SNX10: variants seen among roughly 807,000 people sequenced by gnomAD.
The protein encoded by SNX10 is sorting nexin 10.
In SNX10, 25 loss-of-function variants were observed where a neutral mutation model predicts 28.5. That is an observed-to-expected ratio of 0.88 (90% CI 0.64 to 1.22). The LOEUF (loss-of-function observed/expected upper bound fraction) is 1.22, where lower values mean the gene tolerates loss of function less well. Among genes scored for constraint, SNX10 ranks in the 50% most tolerant of loss-of-function variants. SNX10 has a pLI of 0.00. For synonymous variants in SNX10, 62 were observed against 81.4 expected (o/e 0.76, Z 1.28); for missense variants, 223 against 242.6 (o/e 0.92, Z 0.54).
intron 1 of SNX10, among the ~76,000 whole-genome samples, chr7:26,313,089 A>G (rs1786915819): frequency 6.6e-6 from 1 of 152,226 alleles, no homozygotes; most frequent in Admixed American, 6.5e-5. Flanking sequence ...TAGCACGAGA[A>G]TGTCTTATCA....
intron 1 of SNX10, among the ~76,000 whole-genome samples, chr7:26,295,869 A>G (rs1328247496): frequency 1.3e-5 from 2 of 152,252 alleles, no homozygotes; most frequent in Non-Finnish European, 2.9e-5. Context: ...GGGGAGAAGA[A>G]GAGGAATGTT....
chr7:26,322,579 T>G (rs1259497521), intron 1 of SNX10, among the ~76,000 whole-genome samples: 1 of 150,610 alleles, frequency 6.6e-6, no homozygotes, highest in African/African-American at 2.5e-5. Context: ...TTTCTTTATA[T>G]TTTTACAAAG....
At position 26,372,005 on chromosome 7, in the gene SNX10, G is replaced by C. The variant is rs1789565988; in HGVS notation, c.496G>C (p.Glu166Gln). ...TGAAGAAGATGAAGAAGGAAAAAAA[G>C]AAAATGATATAGATTATGATTCAGA... is the stretch of plus-strand genomic sequence containing the variant. ...FPEEDEEGKKENDIDYDSESS... is the reference protein window; with the variant it reads ...FPEEDEEGKKQNDIDYDSESS... Residue 166 changes from glutamate (E) to glutamine (Q), a missense_variant, in exon 6 of 7, where the codon GAA (glutamate) becomes CAA (glutamine). Physicochemically the swap from Glu to Gln is conservative, Grantham distance 29. Transcript: ENST00000338523. 1 of 1,609,178 alleles carries C rather than the reference G, an allele frequency of 6.2e-7. No individual in the cohort carries two copies. The highest frequency in any genetic ancestry group is 8.5e-7 in the Non-Finnish European group (1 of 1,176,124).
intron 5 of SNX10, among the ~76,000 whole-genome samples, chr7:26,365,792 T>TTACA (rs1253454637): frequency 6.6e-6 from 1 of 152,152 alleles, no homozygotes; most frequent in Non-Finnish European, 1.5e-5. Context: ...GCACGCTGAT[T>TTACA]TACACCTAGA....
At chr7:26,299,309 C>G (rs1276113651) in intron 1 of SNX10, among the ~76,000 whole-genome samples, 2 of 152,090 alleles carry the variant, frequency 1.3e-5, no homozygotes, top group Non-Finnish European at 2.9e-5. Context: ...GATTCTTCTG[C>G]CTCAGCCTCC....
intron 1 of SNX10, 103 bp from the exon 2 acceptor site, chr7:26,346,317 C>A (rs1403711227): frequency 2.8e-6 from 2 of 725,924 alleles, no homozygotes; most frequent in East Asian, 2.6e-5. Flanking sequence ...GACTGTGGGG[C>A]GGGGGGGGCT....
At chr7:26,317,092 G>A (rs541715776) in intron 1 of SNX10, among the ~76,000 whole-genome samples, 90 of 152,240 alleles carry the variant, frequency 5.9e-4, no homozygotes, top group African/African-American at 2.1e-3. Context: ...CGGTTTGGTG[G>A]GGCACAGACA....
At chr7:26,339,440 G>A (rs1788086176) in intron 1 of SNX10, among the ~76,000 whole-genome samples, 1 of 151,620 alleles carries the variant, frequency 6.6e-6, no homozygotes, top group Admixed American at 6.6e-5. Context: ...GGGTTCAAGT[G>A]CAATTTTCTT....
intron 1 of SNX10, among the ~76,000 whole-genome samples, chr7:26,327,726 CTT>C (rs70943293): frequency 2.2e-5 from 2 of 89,118 alleles, no homozygotes; most frequent in African/African-American, 8.6e-5. Context: ...GCATTCTTTT[CTT>C]TTTTTTTTTT....
intron 3 of SNX10, among the ~76,000 whole-genome samples, chr7:26,361,716 G>A (rs942174707): frequency 3.3e-5 from 5 of 152,180 alleles, no homozygotes; most frequent in South Asian, 4.1e-4. Context: ...AGTTTCTGTC[G>A]AGACTACTCA....
chr7:26,318,062 A>T (rs1039646959), intron 1 of SNX10, among the ~76,000 whole-genome samples: 2 of 152,220 alleles, frequency 1.3e-5, no homozygotes, highest in African/African-American at 4.8e-5. Flanking sequence ...AATGGAGCTT[A>T]CTTGAAAGCA....
intron 1 of SNX10, among the ~76,000 whole-genome samples, chr7:26,336,381 A>AG (rs1157387802): frequency 6.6e-6 from 1 of 152,140 alleles, no homozygotes; most frequent in Admixed American, 6.5e-5. Flanking sequence ...GTAAAAAAAA[A>AG]AAAAAGTGCT....
intron 1 of SNX10, among the ~76,000 whole-genome samples, chr7:26,305,321 C>G (rs1002071858): frequency 6.6e-6 from 1 of 152,234 alleles, no homozygotes; most frequent in Admixed American, 6.5e-5. Context: ...GAACAACGGG[C>G]TTTATATGTA....
chr7:26,348,453 C>G (rs1480426282), intron 2 of SNX10, among the ~76,000 whole-genome samples: 2 of 152,216 alleles, frequency 1.3e-5, no homozygotes, highest in Non-Finnish European at 2.9e-5. Context: ...CTCACAGACG[C>G]TGCTTTTTAT....
chr7:26,309,368 CA>C (rs66530736), intron 1 of SNX10, among the ~76,000 whole-genome samples: 53,887 of 140,170 alleles, frequency 0.38, 10,440 homozygotes, highest in Middle Eastern at 0.5. Flanking sequence ...CTTAATCATC[CA>C]AAAAAAAAAA....
At chr7:26,317,512 T>G (rs115510397) in intron 1 of SNX10, among the ~76,000 whole-genome samples, 71 of 152,338 alleles carry the variant, frequency 4.7e-4, no homozygotes, top group African/African-American at 1.6e-3. Flanking sequence ...TGTTGGCATT[T>G]TCTGTTCATT....
chr7:26,367,703 G>C (rs1249499798), intron 5 of SNX10, among the ~76,000 whole-genome samples: 1 of 152,150 alleles, frequency 6.6e-6, no homozygotes, highest in African/African-American at 2.4e-5. Flanking sequence ...TCCACTCTAG[G>C]GAACTGGATG....
At chr7:26,302,339 G>A (rs1299835091) in intron 1 of SNX10, among the ~76,000 whole-genome samples, 3 of 152,248 alleles carry the variant, frequency 2.0e-5, no homozygotes, top group East Asian at 1.9e-4. Context: ...TTGCCCTGAC[G>A]TGACCTTGAG....
chr7:26,366,377 T>C lies in SNX10; in HGVS notation c.311+1232T>C, dbSNP rs146397238. ...AGGCATACAGAAAGATCCAAGATTATAAATTGAGGGAGAGTGGGCCAATGA... is the reference window on the plus strand; with the variant it reads ...AGGCATACAGAAAGATCCAAGATTACAAATTGAGGGAGAGTGGGCCAATGA... On this transcript the variant is annotated intron_variant, in intron 5 of 6. Coordinates refer to ENST00000338523, the MANE Select transcript of SNX10 (RefSeq NM_013322.3). 3.5e-3 allele frequency among the ~76,000 whole-genome samples: 529 copies of C among 152,314 alleles called. 5 individuals carry two copies. The highest frequency in any genetic ancestry group is 0.012 in the African/African-American group (503 of 41,552).
Sources: allele counts gnomAD v4.1 joint callset (sites outside exome capture counted in the v4.1 genomes callset), GRCh38; gene constraint gnomAD v4.1.1; transcripts MANE v1.5; gene names NCBI Gene and HGNC (gene_info 2026-07-23, HGNC 2026-07-21).